Variants in ZNF717 observed in about 807,000 individuals in gnomAD.
The protein encoded by ZNF717 is krueppel-like factor X17.
In ZNF717, 9 loss-of-function variants were observed where a neutral mutation model predicts 13.8. The observed-to-expected ratio is 0.65, with a 90% CI of 0.39 to 1.14. ZNF717 has a LOEUF of 1.14. Among genes scored for constraint, ZNF717 ranks in the 50% most tolerant of loss-of-function variants. The probability of loss-of-function intolerance (pLI) is 0.01; values close to 1 mark genes in which losing one functional copy is unlikely to be tolerated. For missense variants in ZNF717, 1,040 were observed against 1,080.7 expected, an observed-to-expected ratio of 0.96 and a Z score of 0.53; for synonymous variants, 327 against 364.1, an observed-to-expected ratio of 0.90 and a Z score of 1.16.
intron 6 of ZNF717, among the ~76,000 whole-genome samples, chr3:75,703,390 T>C: frequency 1.3e-5 from 2 of 152,280 alleles, no homozygotes; most frequent in South Asian, 2.1e-4. Flanking sequence ...ATGAGCTGAG[T>C]GTCATGATGC....
rs1939303103 is a variant in ZNF717 at position 75,736,823 on chromosome 3, T to A, written c.*55A>T. 6.8e-7 allele frequency: 1 copy of A among 1,478,662 alleles called. No individual in the cohort carries two copies. The highest frequency in any genetic ancestry group is 2.4e-5 in the Admixed American group (1 of 42,258). 91.6% of individuals were successfully genotyped at this position (1,478,662 alleles called of 1,614,324 possible). On this transcript the variant is annotated 3_prime_UTR_variant, in exon 5 of 5. Transcript: ENST00000652011. ...GTCACCATTTGTGTCCATATTCTCCTAGACTGAGCATGGAGAAATCTGTAA... is the reference window on the plus strand; with the variant it reads ...GTCACCATTTGTGTCCATATTCTCCAAGACTGAGCATGGAGAAATCTGTAA...
At chr3:75,783,403 C>A (rs112760855) in intron 1 of ZNF717, 39 bp from the exon 2 acceptor site, 1 of 1,507,890 alleles carries the variant, frequency 6.6e-7, no homozygotes, top group East Asian at 2.5e-5. Flanking sequence ...AAGGAGAGAA[C>A]TGGTGTGGTG....
rs182443744 is a variant in ZNF717 at position 75,737,645 on chromosome 3, A to C, written c.1978T>G (p.Ser660Ala). The change falls in exon 5 of 5, where the codon TCA (serine) becomes GCA (alanine). Residue 660 changes from serine to alanine, a missense_variant. Physicochemically the swap from Ser to Ala is moderately conservative, Grantham distance 99. This residue lies in a region of ZNF717 where 873 missense variants were observed against 832.8 expected (regional missense o/e 1.05). Transcript: ENST00000652011. ...GTTCTCTGGTGTATGGTGAGGAATG[A>C]CTTGCGATGAAAGGTTTTTCCACAT... ...NECGKTFHRK[S>A]FLTIHQRTHT... The C allele has an allele frequency of 6.6e-4, 1,012 of 1,541,604 alleles. No individual in the cohort carries two copies. Among genetic ancestry groups the C allele is most frequent in the Admixed American group, 2.0e-3 (100 of 50,410 alleles).
At chr3:75,728,612 A>G (rs1473696490), downstream of ZNF717, among the ~76,000 whole-genome samples, 1 of 152,176 alleles carries the variant, frequency 6.6e-6, no homozygotes, top group Non-Finnish European at 1.5e-5. Flanking sequence ...GTCACATGAG[A>G]TCTGATGGTT....
intron 5 of ZNF717, among the ~76,000 whole-genome samples, chr3:75,712,027 CTG>C (rs1937949084): frequency 6.6e-6 from 1 of 152,248 alleles, no homozygotes; most frequent in East Asian, 1.9e-4. Context: ...GAGTAAAACA[CTG>C]TTTTTCTAGA....
intron 2 of ZNF717, among the ~76,000 whole-genome samples, chr3:75,774,301 G>C (rs113203383): frequency 3.9e-5 from 6 of 151,904 alleles, no homozygotes; most frequent in Non-Finnish European, 8.8e-5. Flanking sequence ...CATGATTTTA[G>C]GTAAATGAAT....
chr3:75,708,035 C>A (rs1306729018), downstream of ZNF717, among the ~76,000 whole-genome samples: 1 of 152,228 alleles, frequency 6.6e-6, no homozygotes, highest in East Asian at 1.9e-4. Context: ...AGGGCACAGA[C>A]AAACAAAAAG....
At chr3:75,752,577 C>A (rs1575844574) in intron 2 of ZNF717, among the ~76,000 whole-genome samples, 1 of 150,214 alleles carries the variant, frequency 6.7e-6, no homozygotes, top group African/African-American at 2.5e-5. Flanking sequence ...AACACTCCTG[C>A]TGGGGTTTGA....
chr3:75,751,898 A>T (rs1298163883), intron 2 of ZNF717, among the ~76,000 whole-genome samples: 1 of 151,836 alleles, frequency 6.6e-6, no homozygotes. Context: ...ATTTTCCCTC[A>T]CACAGGATTC....
intron 5 of ZNF717, among the ~76,000 whole-genome samples, chr3:75,715,300 T>A (rs1938024686): frequency 6.6e-6 from 1 of 152,240 alleles, no homozygotes; most frequent in South Asian, 2.1e-4. Context: ...AAATCTATTT[T>A]CTGTTTGCCA....
chr3:75,738,564 G>A lies in ZNF717; in HGVS notation c.1059C>T (p.Phe353=). ...ECGKTFRRKS[F]LTLHERTHTG... is the part of the protein sequence containing the mutation. ...TGTGAGTTCTCTCATGTAAAGTGAG[G>A]AATGACTTACGGCGAAAGGTTTTAC... is the stretch of plus-strand genomic sequence containing the variant. The change falls in exon 5 of 5, where the codon TTC becomes TTT. Residue 353 remains phenylalanine, a synonymous_variant. Transcript: ENST00000652011. 3 of 1,541,700 alleles carry A rather than the reference G, an allele frequency of 1.9e-6. No individual in the cohort carries two copies. Among genetic ancestry groups the A allele is most frequent in the Non-Finnish European group, 2.6e-6 (3 of 1,139,926 alleles).
intron 2 of ZNF717, among the ~76,000 whole-genome samples, chr3:75,775,784 A>ATG (rs1454171048): frequency 4.6e-5 from 6 of 130,088 alleles, no homozygotes; most frequent in Admixed American, 1.6e-4. Context: ...CGCAGGAGGC[A>ATG]GAGGTTGCAG....
chr3:75,706,780 A>C (rs796583307), downstream of ZNF717, among the ~76,000 whole-genome samples: 1 of 152,264 alleles, frequency 6.6e-6, no homozygotes, highest in East Asian at 1.9e-4. Context: ...GGCAGATAGG[A>C]GTATTAACTT....
intron 4 of ZNF717, chr3:75,716,547 A>G (rs946561642): frequency 1.4e-4 from 21 of 152,356 alleles, no homozygotes; most frequent in Non-Finnish European, 2.6e-4. Context: ...TTAGCCTGAA[A>G]GAAGACAGGA....
rs202083732 is a variant in ZNF717 at position 75,785,334 on chromosome 3, G to A, written c.-3+50C>T. On this transcript the variant is annotated intron_variant, in intron 1 of 4. Transcript: ENST00000652011. ...CGCCTCTAGAACCCGCTTCACTGCC[G>A]GGACCCCACGCCTGTCCTCCCAGCC... 5.3e-3 allele frequency: 815 copies of A among 153,188 alleles called. 2 individuals carry two copies. Among genetic ancestry groups the A allele is most frequent in the Non-Finnish European group, 7.5e-3 (516 of 68,778 alleles). The allele number at this position is 153,188 out of a possible 1,614,324, so 9.5% of individuals were successfully genotyped here.
chr3:75,752,954 C>T (rs138161385), intron 2 of ZNF717, among the ~76,000 whole-genome samples: 1 of 151,408 alleles, frequency 6.6e-6, no homozygotes, highest in South Asian at 2.1e-4. Context: ...TTCCAGAACA[C>T]TGCTGCCATG....
At chr3:75,729,589 T>C (rs1362203365), downstream of ZNF717, among the ~76,000 whole-genome samples, 1 of 124,630 alleles carries the variant, frequency 8.0e-6, no homozygotes, top group Non-Finnish European at 1.6e-5. Context: ...CACTCCAGCC[T>C]GGGTGACAAT....
chr3:75,714,268 T>C (rs1464702220), intron 5 of ZNF717, among the ~76,000 whole-genome samples: 1 of 151,700 alleles, frequency 6.6e-6, no homozygotes, highest in Non-Finnish European at 1.5e-5. Context: ...AAGTAGTGGG[T>C]GCTTTTCCTT....
At chr3:75,758,112 CAAAAAAAAAAA>C (rs111361124) in intron 2 of ZNF717, among the ~76,000 whole-genome samples, 3 of 64,536 alleles carry the variant, frequency 4.6e-5, no homozygotes, top group Admixed American at 3.1e-4. Flanking sequence ...GACTCCATCT[CAAAAAAAAAAA>C]AAAAAAAAAA....
Sources: gnomAD v4.1 joint callset for allele counts (sites outside exome capture counted in the v4.1 genomes callset) on GRCh38, gnomAD v4.1.1 for gene constraint, gnomAD v4.1.1 regional missense constraint, MANE v1.5 for transcripts, NCBI Gene and HGNC (gene_info 2026-07-23, HGNC 2026-07-21) for gene names.